TNRC18: variants seen among roughly 807,000 people sequenced by gnomAD.
TNRC18 encodes the protein trinucleotide repeat containing 18, also known as trinucleotide repeat-containing gene 18 protein.
TNRC18 carries 69 observed loss-of-function variants against 226.7 expected under a neutral mutation model. The ratio of observed to expected loss-of-function variants is 0.30; its 90% CI spans 0.25 to 0.37. TNRC18 has a LOEUF of 0.37. TNRC18 is among the 10% of genes least tolerant of loss of function. The pLI is 1.00. For missense variants in TNRC18, 4,754 were observed against 4,256.6 expected (o/e 1.12, Z -3.25); for synonymous variants, 2,449 against 1,927.6 (o/e 1.27, Z -7.09).
chr7:5,387,995 T>C lies in TNRC18; in HGVS notation c.1829A>G (p.Lys610Arg). Residue 610 changes from lysine (K) to arginine (R), a missense_variant, in exon 5 of 30, where the codon AAG becomes AGG. Transcript: ENST00000430969. ...VAVRPGGCGKKSPFGGLGTMK... is the reference protein window; with the variant it reads ...VAVRPGGCGKRSPFGGLGTMK... ...GGTGCCCAAACCTCCAAAGGGGCTC[T>C]TCTTGCCACAGCCACCAGGGCGCAC... 1.9e-6 allele frequency: 3 copies of C among 1,589,492 alleles called. No homozygotes were observed. The highest frequency in any genetic ancestry group is 2.6e-6 in the Non-Finnish European group (3 of 1,169,270).
Position 5,359,538 on chromosome 7 carries a change from C to A in TNRC18, c.4693G>T (p.Asp1565Tyr). The change falls in exon 15 of 30, where the codon GAT becomes TAT. Residue 1565 changes from aspartate to tyrosine, a missense_variant. Physicochemically the swap from Asp to Tyr is radical, Grantham distance 160. Coordinates refer to ENST00000430969, the MANE Select transcript of TNRC18 (RefSeq NM_001080495.3). Reference sequence around the variant, plus strand: ...CTTATCCCTGCTCCCAGCTCATAATCATCTGATGTCAGCAGAGACTTGCTG... The same window carrying A: ...CTTATCCCTGCTCCCAGCTCATAATAATCTGATGTCAGCAGAGACTTGCTG... ...LSSKSLLTSD[D>Y]YELGAGIRKR... 6.2e-7 allele frequency: 1 copy of A among 1,613,994 alleles called. No homozygotes were observed. The highest frequency in any genetic ancestry group is 8.5e-7 in the Non-Finnish European group (1 of 1,179,898).
rs769799688 is a variant in TNRC18, at chr7:5,377,006, G to T, written c.2462-13C>A. On this transcript the variant is annotated splice_polypyrimidine_tract_variant and intron_variant, in intron 7 of 29. Transcript: ENST00000430969. This position sits in a 1 kb window ranked among gnomAD's most constrained non-coding sequence, Gnocchi z 5.8. ...GGGGGACCCAAGCCTAGGAGGAGAA[G>T]CCCAGGCCTGAGTCAGTGCTGGGAG... The T allele has an allele frequency of 1.0e-5, 16 of 1,567,460 alleles. No individual in the cohort carries two copies. The highest frequency in any genetic ancestry group is 1.9e-4 in the Middle Eastern group (1 of 5,328).
intron 24 of TNRC18, among the ~76,000 whole-genome samples, chr7:5,317,939 G>A (rs1191319668): frequency 2.6e-5 from 4 of 151,102 alleles, no homozygotes; most frequent in South Asian, 2.1e-4. Context: ...GTGTGATCTC[G>A]GCTCACTGCA....
At chr7:5,336,446 T>C (rs112709488) in intron 18 of TNRC18, among the ~76,000 whole-genome samples, 61 of 151,850 alleles carry the variant, frequency 4.0e-4, no homozygotes, top group East Asian at 1.4e-3. Context: ...AATGAACCAA[T>C]TGTAAGTATA....
chr7:5,316,321 C>T (rs2128108259), intron 24 of TNRC18, among the ~76,000 whole-genome samples: 1 of 139,300 alleles, frequency 7.2e-6, no homozygotes, highest in Non-Finnish European at 1.5e-5. Context: ...CTGTCGATGC[C>T]CAGGCTGGAG....
At chr7:5,364,400 G>A (rs2128164710) in intron 11 of TNRC18, among the ~76,000 whole-genome samples, 1 of 151,568 alleles carries the variant, frequency 6.6e-6, no homozygotes, top group East Asian at 1.9e-4. Flanking sequence ...TGAGACTGCA[G>A]TAAGCCATGA....
rs1198478344 is a variant in TNRC18, at chr7:5,351,876, G to C, written c.5413C>G (p.Arg1805Gly). 2.5e-6 allele frequency: 4 copies of C among 1,612,864 alleles called. No individual in the cohort carries two copies. In the Admixed American group the frequency reaches 5.0e-5, roughly 20 times the overall value. ...AAGGAGGAACGCGCCTCGGCCTCTC[G>C]AAGCAGCAGACAAAACGGCTGCTTC... Reference protein sequence around the residue: ...SRKQPFCLLLREAEARSSFSD... With the variant: ...SRKQPFCLLLGEAEARSSFSD... The change falls in exon 17 of 30, where the codon CGA (arginine) becomes GGA (glycine). Residue 1805 changes from arginine to glycine, a missense_variant. By Grantham distance (125) the Arg-to-Gly change is moderately radical (BLOSUM62 -2). Transcript: ENST00000430969.
At position 5,392,923 on chromosome 7, in the gene TNRC18, A is replaced by G. The variant is rs370662275; in HGVS notation, c.343+1517T>C. On this transcript the variant is annotated intron_variant, in intron 3 of 29. Coordinates refer to ENST00000430969, the MANE Select transcript of TNRC18 (RefSeq NM_001080495.3). Reference sequence around the variant, plus strand: ...GCTACTCAGGAGGCTGAGGTGGGAGAATGGCTTGAGCCTGGGAGGCGGAGG... The same window carrying G: ...GCTACTCAGGAGGCTGAGGTGGGAGGATGGCTTGAGCCTGGGAGGCGGAGG... Among the ~76,000 whole-genome samples, 4 of 151,994 alleles carry G rather than the reference A, an allele frequency of 2.6e-5. No homozygotes were observed. In the East Asian group the frequency reaches 7.8e-4, roughly 30 times the overall value.
chr7:5,374,845 T>A (rs767271796), intron 9 of TNRC18, among the ~76,000 whole-genome samples: 1 of 152,200 alleles, frequency 6.6e-6, no homozygotes, highest in Non-Finnish European at 1.5e-5. Flanking sequence ...CTCGATGGCA[T>A]TGGGCGCACT....
intron 2 of TNRC18, among the ~76,000 whole-genome samples, chr7:5,417,783 A>C (rs891463820): frequency 1.5e-4 from 23 of 152,160 alleles, no homozygotes; most frequent in Admixed American, 2.6e-4. Context: ...GTCGCCTCTA[A>C]CCAGAGAAAG....
At chr7:5,416,576 C>T (rs1469904854) in intron 2 of TNRC18, among the ~76,000 whole-genome samples, 1 of 151,014 alleles carries the variant, frequency 6.6e-6, no homozygotes, top group Non-Finnish European at 1.5e-5. Context: ...TAAAATTAGG[C>T]CAGGCATGGT....
At chr7:5,353,651 C>T (rs1206795401) in intron 16 of TNRC18, among the ~76,000 whole-genome samples, 1 of 152,058 alleles carries the variant, frequency 6.6e-6, no homozygotes. Flanking sequence ...CTCGCTTCGA[C>T]CTCCGTCCAG....
At chr7:5,370,261 T>C in intron 11 of TNRC18, 114 bp downstream of exon 11, 2 of 1,258,116 alleles carry the variant, frequency 1.6e-6, no homozygotes, top group East Asian at 5.1e-5. Flanking sequence ...AGTTTGAGGC[T>C]GCAGTGAGCT....
In TNRC18 at chr7:5,363,498, G is replaced by C. The variant is rs1583921711; in HGVS notation, c.4220-673C>G. 2.0e-5 allele frequency among the ~76,000 whole-genome samples: 3 copies of C among 152,166 alleles called. No individual in the cohort carries two copies. The East Asian group carries it at 5.8e-4, about 29-fold the overall frequency. Reference sequence around the variant, plus strand: ...GGGCGCCTGTAGCCCCAGCTACTCGGGAGGCTGAAGCAGGAGAATGGCGAG... The same window carrying C: ...GGGCGCCTGTAGCCCCAGCTACTCGCGAGGCTGAAGCAGGAGAATGGCGAG... On this transcript the variant is annotated intron_variant, in intron 11 of 29. Coordinates refer to ENST00000430969, the MANE Select transcript of TNRC18 (RefSeq NM_001080495.3).
chr7:5,372,583 C>T (rs1248605181), intron 10 of TNRC18, among the ~76,000 whole-genome samples: 5 of 151,752 alleles, frequency 3.3e-5, no homozygotes, highest in Non-Finnish European at 5.9e-5. Context: ...GTCATGGTGG[C>T]GCACCCCTGT....
chr7:5,317,409 G>T (rs979556449), intron 24 of TNRC18, among the ~76,000 whole-genome samples: 2 of 152,120 alleles, frequency 1.3e-5, no homozygotes, highest in African/African-American at 4.8e-5. Context: ...GGCCAACATG[G>T]TGAAATCCTA....
At chr7:5,372,487 T>G (rs1794257774) in intron 10 of TNRC18, among the ~76,000 whole-genome samples, 1 of 150,816 alleles carries the variant, frequency 6.6e-6, no homozygotes, top group African/African-American at 2.4e-5. Context: ...CCTCCCAAAG[T>G]GCTGGGATTA....
intron 19 of TNRC18, among the ~76,000 whole-genome samples, chr7:5,327,134 A>C (rs1562496697): frequency 2.0e-5 from 3 of 152,192 alleles, no homozygotes; most frequent in African/African-American, 7.2e-5. Flanking sequence ...AAAAACAAAC[A>C]AACAACAACA....
intron 5 of TNRC18, among the ~76,000 whole-genome samples, chr7:5,381,675 G>C (rs1193066545): frequency 6.6e-6 from 1 of 152,146 alleles, no homozygotes; most frequent in African/African-American, 2.4e-5. Context: ...AGAAAGAAAA[G>C]TAAACTCAGG....
Sources: gnomAD v4.1 joint callset for allele counts (sites outside exome capture counted in the v4.1 genomes callset) on GRCh38, gnomAD v4.1.1 for gene constraint, Gnocchi (gnomAD v3.1) non-coding constraint, MANE v1.5 for transcripts, NCBI Gene and HGNC (gene_info 2026-07-23, HGNC 2026-07-21) for gene names.